The following LDLRAD4 variants were observed in gnomAD, a reference collection of about 807,000 sequenced individuals.
The protein encoded by LDLRAD4 is low-density lipoprotein receptor class A domain-containing protein 4.
A neutral mutation model predicts 17.0 loss-of-function variants in LDLRAD4; 5 were observed. That is an observed-to-expected ratio of 0.29 (90% CI 0.15 to 0.62). The LOEUF (loss-of-function observed/expected upper bound fraction) is 0.62, where lower values mean the gene tolerates loss of function less well. Ranked by LOEUF, LDLRAD4 falls within the 20% of genes least tolerant of loss-of-function variation. LDLRAD4 has a pLI of 0.84. For missense variants in LDLRAD4, 340 were observed against 424.7 expected (o/e 0.80, Z 1.75); for synonymous variants, 168 against 171.8 (o/e 0.98, Z 0.17).
chr18:13,594,665 C>CAAAAAAAAA lies in LDLRAD4; in HGVS notation c.182-26436_182-26428dup, dbSNP rs56035558. 8.2e-3 allele frequency among the ~76,000 whole-genome samples: 243 copies of CAAAAAAAAA among 29,592 alleles called. 18 individuals are homozygous for CAAAAAAAAA. The highest frequency in any genetic ancestry group is 0.01 in the African/African-American group (119 of 11,440). The allele number at this position is 29,592 out of a possible 152,430, so 19.4% of individuals were successfully genotyped here. A position where few individuals can be genotyped will look rare whatever the true frequency, so the allele number is the denominator to read the frequency against. ...TGGGTGACAGAGCAAGATTCCATCT[C>CAAAAAAAAA]AAAAAAAAAAAAAAAAAAAAAAAAG... On this transcript the variant is annotated intron_variant, in intron 3 of 5. Transcript: ENST00000359446.
In LDLRAD4 at chr18:13,374,716, C is replaced by T. The variant is rs543928999; in HGVS notation, c.-382-12625C>T. Among the ~76,000 whole-genome samples, 26 of 152,324 alleles carry T rather than the reference C, an allele frequency of 1.7e-4. No individual in the cohort carries two copies. The South Asian group carries it at 4.1e-3, about 24-fold the overall frequency. ...CTGCCACCCAGCCAGGAGTGGGACC[C>T]GTGCTCTGAAATGGTCATCCCTGTT... On this transcript the variant is annotated intron_variant, in intron 1 of 5. Coordinates refer to ENST00000359446, the Ensembl canonical transcript of LDLRAD4.
At position 13,434,555 on chromosome 18, in the gene LDLRAD4, A is replaced by G. The variant is rs2090537186; in HGVS notation, c.41-3689A>G. Among the ~76,000 whole-genome samples the G allele has an allele frequency of 2.6e-5, 4 of 152,178 alleles. No homozygotes were observed. The South Asian group carries it at 8.3e-4, about 32-fold the overall frequency. On this transcript the variant is annotated intron_variant, in intron 2 of 5. Coordinates refer to ENST00000359446, the Ensembl canonical transcript of LDLRAD4. Reference sequence around the variant, plus strand: ...ACTCAACAAGTTCCACAAAGAATAGACAACATATTTTTAAAAATTTTCCAT... The same window carrying G: ...ACTCAACAAGTTCCACAAAGAATAGGCAACATATTTTTAAAAATTTTCCAT...
At chr18:13,510,634 AG>A (rs2093763027) in intron 3 of LDLRAD4, among the ~76,000 whole-genome samples, 1 of 152,006 alleles carries the variant, frequency 6.6e-6, no homozygotes, top group South Asian at 2.1e-4. Flanking sequence ...AACCCACCCA[AG>A]TGATTAAAAC....
At chr18:13,242,045 C>T (rs1313964220) in intron 1 of LDLRAD4, 2 of 152,222 alleles carry the variant, frequency 1.3e-5, no homozygotes, top group African/African-American at 2.4e-5. Context: ...TCTTTATGAA[C>T]CCTCCAGGGT....
At chr18:13,283,767 A>G (rs1252317399) in intron 1 of LDLRAD4, among the ~76,000 whole-genome samples, 2 of 152,196 alleles carry the variant, frequency 1.3e-5, no homozygotes, top group African/African-American at 4.8e-5. Context: ...TACTGATACC[A>G]ATTTACTGTG....
intron 2 of LDLRAD4, among the ~76,000 whole-genome samples, chr18:13,435,012 C>T (rs1430981425): frequency 6.6e-6 from 1 of 152,222 alleles, no homozygotes. Flanking sequence ...TGCTGAAAGA[C>T]GTCCAGGTGA....
At chr18:13,581,869 A>G (rs2094864677) in intron 3 of LDLRAD4, among the ~76,000 whole-genome samples, 1 of 152,082 alleles carries the variant, frequency 6.6e-6, no homozygotes, top group Admixed American at 6.5e-5. Context: ...GTGCAGAGCT[A>G]TGCACACACG....
chr18:13,616,932 C>A (rs2040139766), intron 3 of LDLRAD4, among the ~76,000 whole-genome samples: 1 of 152,122 alleles, frequency 6.6e-6, no homozygotes. Flanking sequence ...ACCCCCAGGG[C>A]CGACGCTCAT....
At chr18:13,553,297 A>G (rs938305087) in intron 3 of LDLRAD4, among the ~76,000 whole-genome samples, 1 of 152,208 alleles carries the variant, frequency 6.6e-6, no homozygotes, top group Non-Finnish European at 1.5e-5. Flanking sequence ...TGTACACATC[A>G]TCTCCAGCAG....
intron 2 of LDLRAD4, among the ~76,000 whole-genome samples, chr18:13,435,989 G>A (rs373185143): frequency 1.3e-5 from 2 of 152,226 alleles, no homozygotes; most frequent in Non-Finnish European, 2.9e-5. Flanking sequence ...GGAATAAAAT[G>A]GGAAGAATAA....
chr18:13,255,415 CT>C (rs1483846214), intron 1 of LDLRAD4, among the ~76,000 whole-genome samples: 1 of 152,196 alleles, frequency 6.6e-6, no homozygotes, highest in Non-Finnish European at 1.5e-5. Flanking sequence ...GCTGAGGCAA[CT>C]CTGTGCAAAG....
intron 1 of LDLRAD4, among the ~76,000 whole-genome samples, chr18:13,357,378 G>C (rs1213704768): frequency 2.0e-5 from 3 of 151,336 alleles, no homozygotes; most frequent in Non-Finnish European, 4.4e-5. Context: ...CAGTTTGCTT[G>C]AAATTTATTT....
intron 3 of LDLRAD4, among the ~76,000 whole-genome samples, chr18:13,604,263 C>A (rs2095197365): frequency 6.6e-6 from 1 of 152,208 alleles, no homozygotes; most frequent in African/African-American, 2.4e-5. Flanking sequence ...ACACATCCTG[C>A]AGTTTATAAG....
intron 1 of LDLRAD4, among the ~76,000 whole-genome samples, chr18:13,290,521 G>A (rs2045904515): frequency 6.6e-6 from 1 of 151,428 alleles, no homozygotes; most frequent in Admixed American, 6.6e-5. Context: ...TTCTTCATTT[G>A]CTTGTTTTTC....
chr18:13,424,684 TTC>T (rs1377036998), intron 2 of LDLRAD4, among the ~76,000 whole-genome samples: 3 of 152,272 alleles, frequency 2.0e-5, no homozygotes, highest in African/African-American at 7.2e-5. Context: ...CGAAGGGTTT[TTC>T]TGTTTTTGTT....
chr18:13,221,153 A>G (rs1001040507), intron 1 of LDLRAD4, among the ~76,000 whole-genome samples: 2 of 152,244 alleles, frequency 1.3e-5, no homozygotes, highest in Non-Finnish European at 2.9e-5. Context: ...AAGAAGTGAT[A>G]AAACATTGTA....
At chr18:13,348,039 AG>A (rs1023259376) in intron 1 of LDLRAD4, among the ~76,000 whole-genome samples, 42 of 152,260 alleles carry the variant, frequency 2.8e-4, no homozygotes, top group African/African-American at 9.9e-4. Flanking sequence ...AGCTCAGAGT[AG>A]TTTGATCGTC....
chr18:13,397,002 A>G (rs928815786), intron 2 of LDLRAD4, among the ~76,000 whole-genome samples: 26 of 152,266 alleles, frequency 1.7e-4, no homozygotes, highest in Non-Finnish European at 2.2e-4. Context: ...AGTAGACAAC[A>G]GGCCTCCAGA....
At chr18:13,534,028 C>G (rs1394610477) in intron 3 of LDLRAD4, among the ~76,000 whole-genome samples, 1 of 152,190 alleles carries the variant, frequency 6.6e-6, no homozygotes, top group African/African-American at 2.4e-5. Flanking sequence ...TCTTCTGGCA[C>G]TCCACGCTGC....
Sources: gnomAD v4.1 joint callset for allele counts (sites outside exome capture counted in the v4.1 genomes callset) on GRCh38, gnomAD v4.1.1 for gene constraint, MANE v1.5 for transcripts, NCBI Gene and HGNC (gene_info 2026-07-23, HGNC 2026-07-21) for gene names.